Variants in CEP112 observed in about 807,000 individuals in gnomAD.
CEP112 encodes the protein centrosomal protein of 112 kDa.
A neutral mutation model predicts 153.0 loss-of-function variants in CEP112; 127 were observed. That is an observed-to-expected ratio of 0.83 (90% confidence interval 0.72 to 0.96). The LOEUF is 0.96. Ranked by LOEUF, CEP112 falls within the 40% of genes least tolerant of loss-of-function variation. The probability of loss-of-function intolerance (pLI) is 0.00; values close to 1 mark genes in which losing one functional copy is unlikely to be tolerated. For synonymous variants in CEP112, 358 were observed against 374.4 expected (o/e 0.96, Z 0.51); for missense variants, 1,089 against 1,101.2 (o/e 0.99, Z 0.16).
chr17:66,131,634 G>A (rs1052038627), intron 5 of CEP112, among the ~76,000 whole-genome samples: 13 of 152,118 alleles, frequency 8.5e-5, no homozygotes, highest in Non-Finnish European at 1.3e-4. Flanking sequence ...CCAGCTACTC[G>A]GGAGGCTGAG....
Position 65,746,165 on chromosome 17 carries a change from C to CAAAAAAAAAA in CEP112, c.2458-2958_2458-2949dup, listed in dbSNP as rs56361589. On this transcript the variant is annotated intron_variant, in intron 22 of 26. Transcript: ENST00000535342. Reference sequence around the variant, plus strand: ...GGGCAACAAGGGTAAAACTCCATCTCAAAAAAAAAAAAAAAAAAAAAAAGA... The same window carrying CAAAAAAAAAA: ...GGGCAACAAGGGTAAAACTCCATCTCAAAAAAAAAAAAAAAAAAAAAAAAAAAAAAAAAGA... 1.8e-3 allele frequency among the ~76,000 whole-genome samples: 88 copies of CAAAAAAAAAA among 49,298 alleles called. 1 individual carries two copies. Among genetic ancestry groups the CAAAAAAAAAA allele is most frequent in the Non-Finnish European group, 2.5e-3 (73 of 28,664 alleles). The allele number at this position is 49,298 out of a possible 152,430, so 32.3% of individuals were successfully genotyped here.
At chr17:65,929,940 C>A (rs574543817) in intron 18 of CEP112, among the ~76,000 whole-genome samples, 45 of 152,198 alleles carry the variant, frequency 3.0e-4, no homozygotes, top group Non-Finnish European at 6.0e-4. Context: ...TTCTTACAGT[C>A]ATGAAAAAGC....
At chr17:65,942,638 C>T (rs910134562) in intron 18 of CEP112, among the ~76,000 whole-genome samples, 3 of 152,164 alleles carry the variant, frequency 2.0e-5, no homozygotes, top group Admixed American at 6.5e-5. Context: ...CTGCCGATAG[C>T]AAATTAATTA....
chr17:65,990,535 G>A (rs1442531515), intron 17 of CEP112, among the ~76,000 whole-genome samples: 2 of 152,246 alleles, frequency 1.3e-5, no homozygotes, highest in East Asian at 3.8e-4. Context: ...TGGTGGAAAA[G>A]AGAACCAGGC....
intron 19 of CEP112, among the ~76,000 whole-genome samples, chr17:65,907,421 A>G (rs775462874): frequency 2.0e-5 from 3 of 152,206 alleles, no homozygotes; most frequent in African/African-American, 4.8e-5. Flanking sequence ...ATTCTACTTA[A>G]TGAACAAATC....
chr17:66,048,247 T>A (rs2066295903), intron 12 of CEP112, among the ~76,000 whole-genome samples: 1 of 152,148 alleles, frequency 6.6e-6, no homozygotes, highest in Admixed American at 6.6e-5. Context: ...GAAGGAAGAC[T>A]TCCTTATCAG....
intron 18 of CEP112, among the ~76,000 whole-genome samples, chr17:65,954,448 A>G (rs1248586410): frequency 6.6e-6 from 1 of 152,124 alleles, no homozygotes; most frequent in Non-Finnish European, 1.5e-5. Context: ...TGACAAAACA[A>G]GATTCTTTAA....
chr17:65,663,689 C>T (rs552363539), intron 24 of CEP112, among the ~76,000 whole-genome samples: 2 of 152,256 alleles, frequency 1.3e-5, no homozygotes, highest in African/African-American at 2.4e-5. Context: ...TGCTGAATGC[C>T]TAAGAGTTGA....
chr17:65,860,184 T>A (rs925536986), intron 20 of CEP112, among the ~76,000 whole-genome samples: 1 of 151,610 alleles, frequency 6.6e-6, no homozygotes, highest in Non-Finnish European at 1.5e-5. Context: ...AGCAAAAAAA[T>A]TATAAACATT....
intron 21 of CEP112, among the ~76,000 whole-genome samples, chr17:65,806,232 A>G (rs2055587695): frequency 6.6e-6 from 1 of 152,236 alleles, no homozygotes; most frequent in East Asian, 1.9e-4. Context: ...AACAAGTAAA[A>G]CAATAACAAA....
At position 66,086,032 on chromosome 17, in the gene CEP112, A is replaced by G. The variant is rs2067915594; in HGVS notation, c.768+10219T>C. 2.0e-5 allele frequency among the ~76,000 whole-genome samples: 3 copies of G among 151,892 alleles called. No homozygotes were observed. In the South Asian group the frequency reaches 6.2e-4, roughly 31 times the overall value. ...TGGTCTATATACAGTATATGATCTA[A>G]TTTTACTTAAAAAGAAATAATCCTA... On this transcript the variant is annotated intron_variant, in intron 8 of 26. Coordinates refer to ENST00000535342, the MANE Select transcript of CEP112 (RefSeq NM_001199165.4).
intron 17 of CEP112, among the ~76,000 whole-genome samples, chr17:65,971,524 T>C (rs1029252978): frequency 2.0e-5 from 3 of 149,962 alleles, no homozygotes; most frequent in African/African-American, 2.4e-5. Flanking sequence ...ATTACATGTG[T>C]ATCACCTAAA....
At chr17:66,150,060 ATTTTTT>A (rs772359218) in intron 4 of CEP112, among the ~76,000 whole-genome samples, 1 of 123,048 alleles carries the variant, frequency 8.1e-6, no homozygotes, top group Non-Finnish European at 1.7e-5. Flanking sequence ...TGCCCAGCTA[ATTTTTT>A]TTTTTTTTTT....
intron 24 of CEP112, among the ~76,000 whole-genome samples, chr17:65,663,934 T>C (rs1036143849): frequency 6.6e-5 from 10 of 152,130 alleles, no homozygotes; most frequent in Admixed American, 3.3e-4. Context: ...TAGTCCCAGC[T>C]ACTCGGCAGG....
At chr17:66,169,316 C>T (rs2072142882) in intron 4 of CEP112, among the ~76,000 whole-genome samples, 1 of 137,198 alleles carries the variant, frequency 7.3e-6, no homozygotes, top group African/African-American at 2.8e-5. Flanking sequence ...CAGAGTCTCA[C>T]TCTGTCACCC....
chr17:65,861,752 C>A (rs2058317165), intron 20 of CEP112, among the ~76,000 whole-genome samples: 1 of 152,146 alleles, frequency 6.6e-6, no homozygotes, highest in African/African-American at 2.4e-5. Flanking sequence ...CAAATGCTGG[C>A]AAGAATGTGT....
At chr17:66,034,047 T>C (rs752344077) in intron 12 of CEP112, among the ~76,000 whole-genome samples, 1 of 152,118 alleles carries the variant, frequency 6.6e-6, no homozygotes, top group Non-Finnish European at 1.5e-5. Flanking sequence ...ACAATGCCGA[T>C]TGCAAGACTT....
At chr17:65,971,861 A>G (rs962632246) in intron 17 of CEP112, among the ~76,000 whole-genome samples, 5 of 152,254 alleles carry the variant, frequency 3.3e-5, no homozygotes, top group African/African-American at 9.6e-5. Flanking sequence ...TTAAAGAGCC[A>G]TATCAACAGG....
chr17:66,082,235 A>AAAAG (rs563408733), intron 8 of CEP112, among the ~76,000 whole-genome samples: 2 of 152,156 alleles, frequency 1.3e-5, no homozygotes, highest in African/African-American at 2.4e-5. Context: ...GATTACTAAA[A>AAAAG]AAAGAAAGAA....
Sources: allele counts gnomAD v4.1 joint callset (sites outside exome capture counted in the v4.1 genomes callset), GRCh38; gene constraint gnomAD v4.1.1; transcripts MANE v1.5; gene names NCBI Gene and HGNC (gene_info 2026-07-23, HGNC 2026-07-21).